MKLN1: variants seen among roughly 807,000 people sequenced by gnomAD.
MKLN1 encodes muskelin 1, also known as muskelin.
A neutral mutation model predicts 99.0 loss-of-function variants in MKLN1; 18 were observed. That is an observed-to-expected ratio of 0.18 (90% CI 0.13 to 0.27). MKLN1 has a LOEUF of 0.27. MKLN1 is among the 10% of genes least tolerant of loss of function. MKLN1 has a pLI of 1.00. For missense variants in MKLN1, 621 were observed against 875.9 expected (o/e 0.71, Z 3.67); for synonymous variants, 288 against 293.2 (o/e 0.98, Z 0.18).
chr7:131,494,236 G>A lies in MKLN1; in HGVS notation c.*6508G>A, dbSNP rs1430336397. ...GCATTAGAAGTATTTCATAATTTTG[G>A]TTTTTTATTTAGGTTTCCTCCACAT... is the stretch of plus-strand genomic sequence containing the variant. On this transcript the variant is annotated 3_prime_UTR_variant, in exon 18 of 18. Transcript: ENST00000352689. 6.6e-6 allele frequency: 1 copy of A among 152,104 alleles called. No individual in the cohort carries two copies. Among genetic ancestry groups the A allele is most frequent in the Non-Finnish European group, 1.5e-5 (1 of 68,014 alleles). The allele number at this position is 152,104 out of a possible 1,614,324, so 9.4% of individuals were successfully genotyped here.
At position 131,443,250 on chromosome 7, in the gene MKLN1, A is replaced by G. The variant is rs1795894300; in HGVS notation, c.1174-231A>G. Among the ~76,000 whole-genome samples the G allele has an allele frequency of 2.0e-5, 3 of 152,368 alleles. No homozygotes were observed. The South Asian group carries it at 6.2e-4, about 32-fold the overall frequency. On this transcript the variant is annotated intron_variant, in intron 10 of 17. Transcript: ENST00000352689. Reference sequence around the variant, plus strand: ...ATTTTGATAAAAATTATGCAATTTCAAGAAAGCAGAAAGCTCTTTATTCCA... The same window carrying G: ...ATTTTGATAAAAATTATGCAATTTCGAGAAAGCAGAAAGCTCTTTATTCCA...
chr7:131,198,177 A>G (rs1026531029), intron 2 of MKLN1, among the ~76,000 whole-genome samples: 1 of 152,210 alleles, frequency 6.6e-6, no homozygotes. Context: ...AAGCCTCAAC[A>G]CCACAGTGTT....
At chr7:131,428,874 G>A (rs1002603976) in intron 8 of MKLN1, among the ~76,000 whole-genome samples, 159 bp from the exon 9 acceptor site, 8 of 152,050 alleles carry the variant, frequency 5.3e-5, no homozygotes, top group African/African-American at 1.7e-4. Context: ...GGAAATATTA[G>A]TCTAGTATAT....
At chr7:131,239,200 A>C (rs573299611) in intron 3 of MKLN1, among the ~76,000 whole-genome samples, 1 of 152,326 alleles carries the variant, frequency 6.6e-6, no homozygotes, top group East Asian at 1.9e-4. Flanking sequence ...ATAATTGACT[A>C]ATAAAAATCA....
intron 3 of MKLN1, among the ~76,000 whole-genome samples, chr7:131,301,500 T>C (rs1798376614): frequency 6.6e-6 from 1 of 152,204 alleles, no homozygotes; most frequent in Admixed American, 6.5e-5. Context: ...AATACTGAAC[T>C]TGATTTTAAC....
chr7:131,388,821 C>A (rs572729159), intron 3 of MKLN1, 63 bp from the exon 4 acceptor site: 1 of 1,023,726 alleles, frequency 9.8e-7, no homozygotes, highest in Non-Finnish European at 1.5e-6. Flanking sequence ...TGCATTAATT[C>A]GTGTTCTAGT....
At chr7:131,141,519 G>A (rs1055860411) in intron 1 of MKLN1, among the ~76,000 whole-genome samples, 1 of 152,052 alleles carries the variant, frequency 6.6e-6, no homozygotes, top group African/African-American at 2.4e-5. Context: ...CCATAATTTG[G>A]TGCTGCTCAC....
intron 3 of MKLN1, among the ~76,000 whole-genome samples, chr7:131,268,628 G>A (rs1268238847): frequency 6.6e-6 from 1 of 152,114 alleles, no homozygotes; most frequent in Non-Finnish European, 1.5e-5. Context: ...CTGCACAGGA[G>A]GACTGTTATG....
At chr7:131,112,158 T>C (rs887504712) in intron 1 of MKLN1, among the ~76,000 whole-genome samples, 2 of 152,228 alleles carry the variant, frequency 1.3e-5, no homozygotes, top group East Asian at 3.8e-4. Flanking sequence ...TTGAAAAAGA[T>C]GTATAATGGC....
At chr7:131,190,142 G>T (rs977340682) in intron 2 of MKLN1, among the ~76,000 whole-genome samples, 1 of 151,956 alleles carries the variant, frequency 6.6e-6, no homozygotes, top group African/African-American at 2.4e-5. Flanking sequence ...CTTAAAAAAC[G>T]AAAAACCTGC....
At chr7:131,451,717 A>G (rs1397494720) in intron 12 of MKLN1, among the ~76,000 whole-genome samples, 3 of 152,244 alleles carry the variant, frequency 2.0e-5, no homozygotes, top group Admixed American at 2.0e-4. Flanking sequence ...ATCAAAATTC[A>G]GCATATCTAA....
intron 3 of MKLN1, among the ~76,000 whole-genome samples, chr7:131,275,555 A>ATT (rs1797952482): frequency 6.0e-5 from 1 of 16,794 alleles, no homozygotes; most frequent in Non-Finnish European, 1.1e-4. Context: ...ATATATATAT[A>ATT]TATATATATA....
intron 1 of MKLN1, among the ~76,000 whole-genome samples, chr7:131,128,796 C>A (rs1231037455): frequency 6.6e-6 from 1 of 151,348 alleles, no homozygotes; most frequent in African/African-American, 2.4e-5. Flanking sequence ...GATGGGGCGT[C>A]CCTATGTTGC....
At chr7:131,164,927 A>G (rs1167934548) in intron 2 of MKLN1, among the ~76,000 whole-genome samples, 2 of 152,260 alleles carry the variant, frequency 1.3e-5, no homozygotes, top group Non-Finnish European at 2.9e-5. Context: ...TGTAGGAGCA[A>G]CAACGATGAA....
At chr7:131,240,230 C>T (rs1014952862) in intron 3 of MKLN1, among the ~76,000 whole-genome samples, 21 of 152,132 alleles carry the variant, frequency 1.4e-4, no homozygotes, top group Non-Finnish European at 2.1e-4. Flanking sequence ...AGTTCCCCCC[C>T]GCCAGGGACC....
At chr7:131,463,135 A>C in intron 12 of MKLN1, 82 bp from the exon 13 acceptor site, 1 of 1,243,556 alleles carries the variant, frequency 8.0e-7, no homozygotes, top group Non-Finnish European at 1.1e-6. Flanking sequence ...TAAAAAAAGA[A>C]AGAAAAGAAA....
chr7:131,328,100 G>C (rs1442069924), intron 1 of MKLN1, 103 bp downstream of exon 1: 1 of 1,402,836 alleles, frequency 7.1e-7, no homozygotes, highest in Non-Finnish European at 9.7e-7. Flanking sequence ...CCCAGGCGGG[G>C]CCTGCTGAGG....
chr7:131,224,550 A>G (rs1483256791), intron 3 of MKLN1, among the ~76,000 whole-genome samples: 1 of 152,050 alleles, frequency 6.6e-6, no homozygotes, highest in Non-Finnish European at 1.5e-5. Context: ...TTCTCAAAAA[A>G]TAATAATAAT....
At chr7:131,302,656 T>G (rs1798393278) in intron 3 of MKLN1, among the ~76,000 whole-genome samples, 1 of 152,212 alleles carries the variant, frequency 6.6e-6, no homozygotes, top group Non-Finnish European at 1.5e-5. Context: ...CTGCCCGCCT[T>G]CTATGCAGCT....
Sources: allele counts gnomAD v4.1 joint callset (sites outside exome capture counted in the v4.1 genomes callset), GRCh38; gene constraint gnomAD v4.1.1; transcripts MANE v1.5; gene names NCBI Gene and HGNC (gene_info 2026-07-23, HGNC 2026-07-21).